Variants in STARD13 observed in about 807,000 individuals in gnomAD.
The protein encoded by STARD13 is stAR-related lipid transfer protein 13.
In STARD13, 62 loss-of-function variants were observed where a neutral mutation model predicts 106.4. That is an observed-to-expected ratio of 0.58 (90% CI 0.48 to 0.72). The LOEUF (loss-of-function observed/expected upper bound fraction) is 0.72. Among genes scored for constraint, STARD13 ranks in the 30% least tolerant of loss-of-function variants. The pLI is 0.00. For synonymous variants in STARD13, 565 were observed against 553.0 expected (o/e 1.02, Z -0.31); for missense variants, 1,387 against 1,424.0 (o/e 0.97, Z 0.42).
intron 1 of STARD13, among the ~76,000 whole-genome samples, chr13:33,248,365 A>T (rs1889936286): frequency 1.3e-5 from 2 of 152,232 alleles, no homozygotes; most frequent in Non-Finnish European, 2.9e-5. Flanking sequence ...ATAAAAAAGG[A>T]AGAATAAAGG....
chr13:33,285,720 C>G lies in STARD13; in HGVS notation c.-82G>C. ...CAGTCTCAGTCAAAGAGCAAGGCAC[C>G]CAGCCCAGGACAGCTCAACAGACCC... On this transcript the variant is annotated 5_prime_UTR_variant, in exon 1 of 14. Transcript: ENST00000336934. 1 of 1,576,804 alleles carries G rather than the reference C, an allele frequency of 6.3e-7. No individual in the cohort carries two copies. The highest frequency in any genetic ancestry group is 1.2e-5 in the South Asian group (1 of 83,004).
At chr13:33,523,809 A>G in the STARD13 span, among the ~76,000 whole-genome samples, 2 of 152,146 alleles carry the variant, frequency 1.3e-5, no homozygotes, top group East Asian at 3.9e-4. Flanking sequence ...GATGTTTTCT[A>G]GATGTGATTC....
chr13:33,509,774 A>G, the STARD13 span, among the ~76,000 whole-genome samples: 23 of 152,338 alleles, frequency 1.5e-4, no homozygotes, highest in Non-Finnish European at 1.9e-4. Flanking sequence ...GCCAAGGCTC[A>G]GCAAACAGCC....
At chr13:33,468,850 AC>A in the STARD13 span, among the ~76,000 whole-genome samples, 3 of 152,200 alleles carry the variant, frequency 2.0e-5, no homozygotes, top group Non-Finnish European at 2.9e-5. Context: ...GCAGAAAGTG[AC>A]ATGGCAACTT....
chr13:33,516,954 AAAAG>A, the STARD13 span, among the ~76,000 whole-genome samples: 1 of 151,898 alleles, frequency 6.6e-6, no homozygotes, highest in African/African-American at 2.4e-5. Context: ...AAAAAAAAAA[AAAAG>A]GAGGGAGAAG....
At chr13:33,495,597 T>C in the STARD13 span, among the ~76,000 whole-genome samples, 1 of 152,030 alleles carries the variant, frequency 6.6e-6, no homozygotes, top group Non-Finnish European at 1.5e-5. Context: ...GATGGAAATA[T>C]TTGCCAAATA....
At chr13:33,158,312 CA>C (rs1213645043) in intron 3 of STARD13, among the ~76,000 whole-genome samples, 8 of 152,102 alleles carry the variant, frequency 5.3e-5, no homozygotes, top group Non-Finnish European at 8.8e-5. Flanking sequence ...CCAAACCAAT[CA>C]AAAAAGGTAA....
the STARD13 span, among the ~76,000 whole-genome samples, chr13:33,378,804 A>G: frequency 1.3e-5 from 2 of 151,348 alleles, no homozygotes; most frequent in African/African-American, 4.9e-5. Flanking sequence ...AAACAAAAAA[A>G]AAAAAAAGAA....
At chr13:33,308,278 C>T (rs540512244) in intron 1 of STARD13, among the ~76,000 whole-genome samples, 32 of 152,176 alleles carry the variant, frequency 2.1e-4, no homozygotes, top group African/African-American at 5.1e-4. Context: ...TGCATATAAG[C>T]GGTGTACAGA....
At chr13:33,415,354 T>C in the STARD13 span, among the ~76,000 whole-genome samples, 54 of 152,142 alleles carry the variant, frequency 3.5e-4, no homozygotes, top group Admixed American at 9.2e-4. Flanking sequence ...GGCGACAGAG[T>C]GAGACTCCGT....
At chr13:33,399,990 G>GATATAC in the STARD13 span, among the ~76,000 whole-genome samples, 1 of 152,072 alleles carries the variant, frequency 6.6e-6, no homozygotes, top group Admixed American at 6.5e-5. Flanking sequence ...ATGATGATTT[G>GATATAC]ATATACATAT....
the STARD13 span, among the ~76,000 whole-genome samples, chr13:33,647,334 A>G: frequency 6.6e-6 from 1 of 152,224 alleles, no homozygotes; most frequent in Non-Finnish European, 1.5e-5. Context: ...TAATTTCTAT[A>G]ATTTACTTCA....
chr13:33,198,995 C>G (rs1277052276), intron 1 of STARD13, among the ~76,000 whole-genome samples: 4 of 152,218 alleles, frequency 2.6e-5, no homozygotes, highest in Non-Finnish European at 5.9e-5. Flanking sequence ...AGTGATCTCT[C>G]CATACATCCT....
chr13:33,466,283 C>T, the STARD13 span, among the ~76,000 whole-genome samples: 24 of 152,166 alleles, frequency 1.6e-4, no homozygotes, highest in Non-Finnish European at 3.1e-4. Context: ...TATGTTATGA[C>T]GGGACTCTAA....
the STARD13 span, among the ~76,000 whole-genome samples, chr13:33,565,356 T>C: frequency 6.8e-6 from 1 of 147,356 alleles, no homozygotes; most frequent in Non-Finnish European, 1.5e-5. Context: ...GTTTCTAGAG[T>C]AAAGAAAAGA....
chr13:33,113,237 T>A, intron 8 of STARD13: 3 of 427,724 alleles, frequency 7.0e-6, no homozygotes, highest in Non-Finnish European at 1.3e-5. Flanking sequence ...ATCAACCCAC[T>A]CACCTGCTTT....
the STARD13 span, among the ~76,000 whole-genome samples, chr13:33,648,030 T>C: frequency 1.3e-5 from 2 of 152,228 alleles, no homozygotes; most frequent in Admixed American, 6.5e-5. Context: ...TTCTATGTGC[T>C]GTGCATCCTT....
intron 13 of STARD13, among the ~76,000 whole-genome samples, chr13:33,106,545 A>G (rs1042200655): frequency 2.0e-5 from 3 of 152,250 alleles, no homozygotes; most frequent in Non-Finnish European, 4.4e-5. Context: ...CAGAAAATAA[A>G]GAAAGACAAA....
At chr13:33,638,742 C>T in the STARD13 span, among the ~76,000 whole-genome samples, 1 of 152,196 alleles carries the variant, frequency 6.6e-6, no homozygotes, top group African/African-American at 2.4e-5. Context: ...ACCCGCACTT[C>T]GCAGTACGTC....
Sources: gnomAD v4.1 joint callset for allele counts (sites outside exome capture counted in the v4.1 genomes callset) on GRCh38, gnomAD v4.1.1 for gene constraint, MANE v1.5 for transcripts, NCBI Gene and HGNC (gene_info 2026-07-23, HGNC 2026-07-21) for gene names.